Variants in LRFN2 observed in about 807,000 individuals in gnomAD.
LRFN2 encodes leucine-rich repeat and fibronectin type-III domain-containing protein 2.
A neutral mutation model predicts 37.3 loss-of-function variants in LRFN2; 18 were observed. The ratio of observed to expected loss-of-function variants is 0.48; its 90% CI spans 0.33 to 0.72. LRFN2 has a LOEUF of 0.72. Ranked by LOEUF, LRFN2 falls within the 30% of genes least tolerant of loss-of-function variation. The pLI is 0.02. For synonymous variants in LRFN2, 556 were observed against 466.6 expected (o/e 1.19, Z -2.47); for missense variants, 1,006 against 1,060.7 (o/e 0.95, Z 0.72).
intron 2 of LRFN2, among the ~76,000 whole-genome samples, chr6:40,393,707 T>C (rs1335047155): frequency 1.3e-5 from 2 of 152,160 alleles, no homozygotes; most frequent in African/African-American, 4.8e-5. Flanking sequence ...CCCCGAGGCT[T>C]GCTCCAGCCC....
chr6:40,478,651 T>G (rs945867584), intron 1 of LRFN2, among the ~76,000 whole-genome samples: 3 of 152,202 alleles, frequency 2.0e-5, no homozygotes, highest in Non-Finnish European at 4.4e-5. Flanking sequence ...ACCCCAGGGT[T>G]GGTCAGTAGC....
chr6:40,481,272 C>T (rs1764821742), intron 1 of LRFN2, among the ~76,000 whole-genome samples: 1 of 151,870 alleles, frequency 6.6e-6, no homozygotes, highest in Non-Finnish European at 1.5e-5. Context: ...TCCATCTCTA[C>T]AAAAAATACA....
chr6:40,432,796 A>G lies in LRFN2; in HGVS notation c.318T>C (p.His106=). The change falls in exon 2 of 3, where the codon CAT becomes CAC. Residue 106 remains histidine (H), a synonymous_variant. Transcript: ENST00000338305. ...GGCTTGGCAGCCGATTGCTGTCAAG[A>G]TGCAGGGAGCGGAGGCTCTCGAGGT... ...FLDLESLRSL[H]LDSNRLPSLG... 6.2e-7 allele frequency: 1 copy of G among 1,614,204 alleles called. No individual in the cohort carries two copies. The highest frequency in any genetic ancestry group is 8.5e-7 in the Non-Finnish European group (1 of 1,180,038).
At chr6:40,481,034 G>C (rs1239739315) in intron 1 of LRFN2, among the ~76,000 whole-genome samples, 1 of 152,122 alleles carries the variant, frequency 6.6e-6, no homozygotes, top group Non-Finnish European at 1.5e-5. Context: ...TTAATCACCA[G>C]TGCCATGCTA....
intron 1 of LRFN2, among the ~76,000 whole-genome samples, chr6:40,544,143 A>G (rs1285405790): frequency 6.6e-6 from 1 of 152,212 alleles, no homozygotes; most frequent in Non-Finnish European, 1.5e-5. Context: ...AGAAAAGAGA[A>G]AGAAGGGGAG....
At chr6:40,536,861 G>A (rs1766458791) in intron 1 of LRFN2, among the ~76,000 whole-genome samples, 1 of 152,180 alleles carries the variant, frequency 6.6e-6, no homozygotes, top group Non-Finnish European at 1.5e-5. Flanking sequence ...GATAATCATG[G>A]ATGCAGTCAC....
At chr6:40,540,634 C>G (rs1220429081) in intron 1 of LRFN2, among the ~76,000 whole-genome samples, 1 of 152,178 alleles carries the variant, frequency 6.6e-6, no homozygotes, top group African/African-American at 2.4e-5. Flanking sequence ...GCCGCAGTAT[C>G]GTTGAGAGCA....
chr6:40,552,219 C>T (rs796790256), intron 1 of LRFN2, among the ~76,000 whole-genome samples: 9 of 152,304 alleles, frequency 5.9e-5, no homozygotes, highest in African/African-American at 2.2e-4. Flanking sequence ...TTTACTAAGT[C>T]CTCCAGGTGA....
chr6:40,551,229 T>C (rs1581790994), intron 1 of LRFN2, among the ~76,000 whole-genome samples: 1 of 152,272 alleles, frequency 6.6e-6, no homozygotes, highest in Middle Eastern at 3.4e-3. Flanking sequence ...GTCCACTGCA[T>C]TCCGGGCACT....
At chr6:40,553,658 A>G (rs1267561405) in intron 1 of LRFN2, among the ~76,000 whole-genome samples, 1 of 152,220 alleles carries the variant, frequency 6.6e-6, no homozygotes, top group Non-Finnish European at 1.5e-5. Flanking sequence ...ATAAGTAACA[A>G]ATGAAATTGG....
chr6:40,446,243 G>T (rs903924680), intron 1 of LRFN2, among the ~76,000 whole-genome samples: 3 of 151,996 alleles, frequency 2.0e-5, no homozygotes, highest in Non-Finnish European at 4.4e-5. Flanking sequence ...TAGTCTGGGT[G>T]TAGGAGGCCT....
chr6:40,421,145 G>A (rs1763220368), intron 2 of LRFN2, among the ~76,000 whole-genome samples: 1 of 152,242 alleles, frequency 6.6e-6, no homozygotes, highest in Non-Finnish European at 1.5e-5. Context: ...CACACATTAA[G>A]AATAATGCAA....
chr6:40,503,727 G>A (rs919252948), intron 1 of LRFN2, among the ~76,000 whole-genome samples: 2 of 152,210 alleles, frequency 1.3e-5, no homozygotes, highest in Non-Finnish European at 2.9e-5. Flanking sequence ...GTGCCAAGGT[G>A]CAGCCAAAGA....
chr6:40,524,791 T>A lies in LRFN2; in HGVS notation c.-19+62150A>T, dbSNP rs367832955. Among the ~76,000 whole-genome samples, 666 of 152,314 alleles carry A rather than the reference T, an allele frequency of 4.4e-3. 6 individuals are homozygous for A. The highest frequency in any genetic ancestry group is 0.029 in the South Asian group (141 of 4,828). ...CTTATAGAAAACTGGATCCTAATAG[T>A]AACAACTCATTCTTATCCTGAACCT... On this transcript the variant is annotated intron_variant, in intron 1 of 2. Transcript: ENST00000338305.
At chr6:40,488,025 C>A (rs572976819) in intron 1 of LRFN2, among the ~76,000 whole-genome samples, 32 of 152,288 alleles carry the variant, frequency 2.1e-4, no homozygotes, top group African/African-American at 7.7e-4. Flanking sequence ...GCCCCCAGTT[C>A]TTCCCTAGCC....
At chr6:40,536,292 C>G (rs1766447783) in intron 1 of LRFN2, among the ~76,000 whole-genome samples, 1 of 152,012 alleles carries the variant, frequency 6.6e-6, no homozygotes, top group Admixed American at 6.5e-5. Flanking sequence ...GAGGGAGACA[C>G]AGCCCCGTCC....
chr6:40,530,429 A>G (rs1388190800), intron 1 of LRFN2, among the ~76,000 whole-genome samples: 2 of 152,190 alleles, frequency 1.3e-5, no homozygotes, highest in Non-Finnish European at 2.9e-5. Context: ...TTGAGACAGA[A>G]AAGACATGGA....
rs533043623 is a variant in LRFN2 at position 40,434,822 on chromosome 6, TGGCTTCTAA to T, written c.-18-1700_-18-1692del. On this transcript the variant is annotated intron_variant, in intron 1 of 2. Transcript: ENST00000338305. ...CATACTAATTAGAGTTCTGCAAAAA[TGGCTTCTAA>T]GGCCAGTAAGGTGGGGAAGCATTGC... Among the ~76,000 whole-genome samples the T allele has an allele frequency of 2.1e-3, 322 of 151,804 alleles. 9 individuals are homozygous for T. In the East Asian group the frequency reaches 0.025, roughly 12 times the overall value.
intron 1 of LRFN2, among the ~76,000 whole-genome samples, chr6:40,496,097 A>G (rs923193670): frequency 4.6e-5 from 7 of 152,156 alleles, no homozygotes; most frequent in African/African-American, 1.2e-4. Flanking sequence ...CTTAAGAGAC[A>G]TTCTTGATTC....
Sources: allele counts gnomAD v4.1 joint callset (sites outside exome capture counted in the v4.1 genomes callset), GRCh38; gene constraint gnomAD v4.1.1; transcripts MANE v1.5; gene names NCBI Gene and HGNC (gene_info 2026-07-23, HGNC 2026-07-21).